Variants in GNB1 observed in about 807,000 individuals in gnomAD.
GNB1 encodes guanine nucleotide-binding protein G(I)/G(S)/G(T) subunit beta-1.
A neutral mutation model predicts 42.9 loss-of-function variants in GNB1; 2 were observed. The ratio of observed to expected loss-of-function variants is 0.05; its 90% CI spans 0.02 to 0.15. The LOEUF (loss-of-function observed/expected upper bound fraction) is 0.15. GNB1 is among the 10% of genes least tolerant of loss of function. The pLI is 1.00. For synonymous variants in GNB1, 183 were observed against 174.7 expected (o/e 1.05, Z -0.38); for missense variants, 193 against 462.2 (o/e 0.42, Z 5.34).
At chr1:1,812,780 CG>C (rs1218759985) in intron 5 of GNB1, among the ~76,000 whole-genome samples, 1 of 152,090 alleles carries the variant, frequency 6.6e-6, no homozygotes, top group Non-Finnish European at 1.5e-5. Flanking sequence ...TTGAGACAGA[CG>C]GAACATAAAG....
chr1:1,818,959 T>C (rs1646893855), intron 3 of GNB1, among the ~76,000 whole-genome samples: 1 of 152,062 alleles, frequency 6.6e-6, no homozygotes, highest in African/African-American at 2.4e-5. Context: ...AGCCAGACAA[T>C]CAGATGTACA....
In GNB1 at chr1:1,862,290, G is replaced by A. The variant is rs376012071; in HGVS notation, c.-95-23052C>T. ...TGGCAGTCCCATGTACCATGAATTGGAGGATGAAGAGCCACTAAGTAACTC... is the reference window on the plus strand; with the variant it reads ...TGGCAGTCCCATGTACCATGAATTGAAGGATGAAGAGCCACTAAGTAACTC... On this transcript the variant is annotated intron_variant, in intron 1 of 11. Transcript: ENST00000378609. Among the ~76,000 whole-genome samples, 13 of 152,238 alleles carry A rather than the reference G, an allele frequency of 8.5e-5. 1 individual carries two copies. Among genetic ancestry groups the A allele is most frequent in the Admixed American group, 2.6e-4 (4 of 15,282 alleles).
At chr1:1,869,595 G>A (rs4648592) in intron 1 of GNB1, among the ~76,000 whole-genome samples, 35,329 of 152,030 alleles carry the variant, frequency 0.23, 4,349 homozygotes, top group Non-Finnish European at 0.26. Context: ...AAAAAACAAG[G>A]AGGTGGCAGT....
chr1:1,793,373 C>G (rs1646506205), intron 7 of GNB1, 62 bp from the exon 8 acceptor site: 1 of 1,099,878 alleles, frequency 9.1e-7, no homozygotes, highest in African/African-American at 1.5e-5. Flanking sequence ...CAGCCTCATA[C>G]ATAGAGAAAC....
intron 2 of GNB1, among the ~76,000 whole-genome samples, chr1:1,830,093 A>G (rs1557910151): frequency 6.6e-6 from 1 of 152,024 alleles, no homozygotes; most frequent in Non-Finnish European, 1.5e-5. Flanking sequence ...TTGGAGAAAG[A>G]GAAACAGGTT....
intron 1 of GNB1, among the ~76,000 whole-genome samples, chr1:1,885,788 G>C (rs1049201507): frequency 6.7e-6 from 1 of 149,688 alleles, no homozygotes; most frequent in Non-Finnish European, 1.5e-5. Context: ...TCAATCTCCT[G>C]ACCTCGTGAT....
chr1:1,862,043 G>C (rs1648659793), intron 1 of GNB1, among the ~76,000 whole-genome samples: 1 of 151,968 alleles, frequency 6.6e-6, no homozygotes, highest in African/African-American at 2.4e-5. Flanking sequence ...CGCCAGCCTG[G>C]GCGACAGAGT....
chr1:1,866,966 C>CA (rs1396888031), intron 1 of GNB1, among the ~76,000 whole-genome samples: 1 of 146,078 alleles, frequency 6.8e-6, no homozygotes, highest in Non-Finnish European at 1.5e-5. Flanking sequence ...AACAAACAAA[C>CA]AAAAAAACCT....
At chr1:1,807,463 GAAAAAAAAAA>G (rs533616486) in intron 5 of GNB1, among the ~76,000 whole-genome samples, 82 of 25,576 alleles carry the variant, frequency 3.2e-3, no homozygotes, top group East Asian at 0.024. Flanking sequence ...GATCCTGACT[GAAAAAAAAAA>G]AAAAAAAAAA....
chr1:1,837,101 G>A (rs1647161911), intron 2 of GNB1, among the ~76,000 whole-genome samples: 1 of 152,020 alleles, frequency 6.6e-6, no homozygotes, highest in Non-Finnish European at 1.5e-5. Context: ...TTTCTAAGGA[G>A]CAGAAGTTTT....
In GNB1 at chr1:1,825,784, G is replaced by C. The variant is rs189002070; in HGVS notation, c.-46-285C>G. The stretch of plus-strand genomic sequence containing the variant: ...GGAGGCTGAGGCAGGAGAATGGCGT[G>C]AACCTGGGAGGCAGAGCTTGCAGTG... On this transcript the variant is annotated intron_variant, in intron 2 of 11. Transcript: ENST00000378609. Among the ~76,000 whole-genome samples the C allele has an allele frequency of 4.0e-5, 6 of 151,730 alleles. No homozygotes were observed. In the East Asian group the frequency reaches 1.2e-3, roughly 30 times the overall value.
chr1:1,842,241 T>C (rs550738326), intron 1 of GNB1, among the ~76,000 whole-genome samples: 49 of 152,228 alleles, frequency 3.2e-4, no homozygotes, highest in Middle Eastern at 3.4e-3. Context: ...CCATCCTGGC[T>C]AACACGGTGA....
Position 1,815,851 on chromosome 1 carries a change from G to A in GNB1, c.108C>T (p.Asn36=). The A allele has an allele frequency of 1.9e-6, 3 of 1,592,702 alleles. No individual in the cohort carries two copies. Among genetic ancestry groups the A allele is most frequent in the Non-Finnish European group, 1.7e-6 (2 of 1,160,408 alleles). The part of the protein sequence containing the change: ...ADATLSQITN[N]IDPVGRIQMR... ...TTTGGATTCTTCCCACTGGGTCGAT[G>A]TTGTTTGTGATCTTGAAAATAAAAA... Residue 36 remains asparagine, a synonymous_variant, in exon 5 of 12, where the codon AAC becomes AAT. Coordinates refer to ENST00000378609, the MANE Select transcript of GNB1 (RefSeq NM_002074.5).
chr1:1,872,004 T>C (rs931575966), intron 1 of GNB1, among the ~76,000 whole-genome samples: 15 of 141,928 alleles, frequency 1.1e-4, no homozygotes, highest in Non-Finnish European at 2.0e-4. Flanking sequence ...ATCTTTTTTC[T>C]TTTTTTTTTT....
At chr1:1,883,280 A>G (rs542286093) in intron 1 of GNB1, among the ~76,000 whole-genome samples, 24 of 146,484 alleles carry the variant, frequency 1.6e-4, no homozygotes, top group African/African-American at 5.7e-4. Context: ...CCCTGTCCCA[A>G]AAAAAAAAAA....
chr1:1,803,470 A>G (rs1312778371), intron 7 of GNB1, among the ~76,000 whole-genome samples: 2 of 152,138 alleles, frequency 1.3e-5, no homozygotes, highest in African/African-American at 4.8e-5. Context: ...TTTGTAGAGA[A>G]GGGGTCTAGC....
intron 7 of GNB1, among the ~76,000 whole-genome samples, chr1:1,798,537 T>A (rs549962978): frequency 6.6e-6 from 1 of 152,202 alleles, no homozygotes; most frequent in Non-Finnish European, 1.5e-5. Context: ...TCAATGCTTA[T>A]GTATCTGTAG....
At chr1:1,840,995 G>A (rs1295913715) in intron 1 of GNB1, among the ~76,000 whole-genome samples, 1 of 152,172 alleles carries the variant, frequency 6.6e-6, no homozygotes, top group Non-Finnish European at 1.5e-5. Flanking sequence ...TGGTTCGAGT[G>A]ATTCTCCTGC....
At chr1:1,805,811 G>C (rs1338855040) in intron 6 of GNB1, among the ~76,000 whole-genome samples, 1 of 152,070 alleles carries the variant, frequency 6.6e-6, no homozygotes, top group East Asian at 1.9e-4. Context: ...CAAAATGCTG[G>C]AATTACAGGT....
Sources: allele counts gnomAD v4.1 joint callset (sites outside exome capture counted in the v4.1 genomes callset), GRCh38; gene constraint gnomAD v4.1.1; transcripts MANE v1.5; gene names NCBI Gene and HGNC (gene_info 2026-07-23, HGNC 2026-07-21).